NOCT: variants seen among roughly 807,000 people sequenced by gnomAD.
NOCT encodes the protein CCR4 carbon catabolite repression 4-like.
NOCT carries 18 observed loss-of-function variants against 35.0 expected under a neutral mutation model. The ratio of observed to expected loss-of-function variants is 0.51; its 90% confidence interval spans 0.36 to 0.76. NOCT has a LOEUF of 0.76. Ranked by LOEUF, NOCT falls within the 30% of genes least tolerant of loss-of-function variation. The pLI is 0.01. For missense variants in NOCT, 479 were observed against 541.0 expected (o/e 0.89, Z 1.14); for synonymous variants, 235 against 226.3 (o/e 1.04, Z -0.34).
intron 1 of NOCT, among the ~76,000 whole-genome samples, chr4:139,029,031 G>C (rs893134051): frequency 1.3e-5 from 2 of 150,772 alleles, no homozygotes; most frequent in African/African-American, 5.0e-5. Flanking sequence ...TAGAGACGTG[G>C]TTTCACCATG....
At chr4:139,037,924 G>C (rs1432593160) in intron 1 of NOCT, among the ~76,000 whole-genome samples, 3 of 151,204 alleles carry the variant, frequency 2.0e-5, no homozygotes, top group African/African-American at 2.4e-5. Flanking sequence ...AAAAAGGCTG[G>C]ATGTGGTGGC....
chr4:139,043,399 C>T (rs1230319458), intron 2 of NOCT, 56 bp downstream of exon 2: 3 of 1,538,506 alleles, frequency 1.9e-6, no homozygotes, highest in African/African-American at 2.7e-5. Context: ...TGCCTTTCTG[C>T]TTCTGCACAT....
At chr4:139,035,557 C>T (rs1385458079) in intron 1 of NOCT, among the ~76,000 whole-genome samples, 1 of 152,222 alleles carries the variant, frequency 6.6e-6, no homozygotes, top group Non-Finnish European at 1.5e-5. Flanking sequence ...CAGTTCACCC[C>T]TGCTGTCTCT....
intron 1 of NOCT, among the ~76,000 whole-genome samples, chr4:139,037,878 C>T (rs1439027418): frequency 1.3e-5 from 2 of 150,974 alleles, no homozygotes; most frequent in African/African-American, 2.4e-5. Context: ...CAGAGTGAGG[C>T]CCTTACAAAA....
At chr4:139,024,768 C>T (rs1726481989) in intron 1 of NOCT, among the ~76,000 whole-genome samples, 1 of 152,086 alleles carries the variant, frequency 6.6e-6, no homozygotes, top group African/African-American at 2.4e-5. Flanking sequence ...AGTAATACAA[C>T]AGTTACTGTA....
intron 1 of NOCT, among the ~76,000 whole-genome samples, chr4:139,031,154 C>CTT (rs111694522): frequency 2.8e-5 from 4 of 143,882 alleles, no homozygotes; most frequent in Admixed American, 2.1e-4. Context: ...TGACTGCTTT[C>CTT]TTTTTTTTTT....
chr4:139,044,495 G>A (rs1726897418), intron 2 of NOCT, 144 bp from the exon 3 acceptor site: 2 of 607,356 alleles, frequency 3.3e-6, no homozygotes, highest in South Asian at 2.0e-5. Context: ...GTTTGGATGG[G>A]GTAATACAGT....
intron 1 of NOCT, among the ~76,000 whole-genome samples, chr4:139,039,747 G>T (rs1207774397): frequency 6.6e-6 from 1 of 151,640 alleles, no homozygotes; most frequent in Non-Finnish European, 1.5e-5. Flanking sequence ...GTTTTGTTTT[G>T]AGATGGAGTA....
rs2148640912 is a variant in NOCT, at chr4:139,016,152, G to A, written c.171G>A (p.Ala57=). 2 of 1,270,946 alleles carry A rather than the reference G, an allele frequency of 1.6e-6. No homozygotes were observed. Among genetic ancestry groups the A allele is most frequent in the African/African-American group, 3.1e-5 (2 of 64,496 alleles). 78.7% of individuals were successfully genotyped at this position (1,270,946 alleles called of 1,614,324 possible). ...LAAASAASGA[A]RSCSRTVCSM... ...CGGCCTCGGCGGCCTCGGGCGCCGCGAGGTCGTGTTCCCGAACAGGTGAGT... is the reference window on the plus strand; with the variant it reads ...CGGCCTCGGCGGCCTCGGGCGCCGCAAGGTCGTGTTCCCGAACAGGTGAGT... Residue 57 remains alanine, a synonymous_variant, in exon 1 of 3, where the codon GCG becomes GCA. Coordinates refer to ENST00000280614, the MANE Select transcript of NOCT (RefSeq NM_012118.4).
intron 1 of NOCT, among the ~76,000 whole-genome samples, chr4:139,032,684 A>G (rs1726648761): frequency 6.6e-6 from 1 of 152,180 alleles, no homozygotes; most frequent in African/African-American, 2.4e-5. Context: ...ACTTTTCAGT[A>G]TCTTAATTGC....
chr4:139,025,113 C>T (rs1459441038), intron 1 of NOCT, among the ~76,000 whole-genome samples: 1 of 152,196 alleles, frequency 6.6e-6, no homozygotes, highest in African/African-American at 2.4e-5. Flanking sequence ...GCTTCTCTTT[C>T]AGGTCCATTC....
At chr4:139,025,769 A>AC (rs1201370370) in intron 1 of NOCT, among the ~76,000 whole-genome samples, 4 of 150,764 alleles carry the variant, frequency 2.7e-5, no homozygotes, top group African/African-American at 7.3e-5. Flanking sequence ...GCGCCATTGC[A>AC]CTCCAGACTA....
intron 1 of NOCT, among the ~76,000 whole-genome samples, chr4:139,030,928 T>G (rs2148644600): frequency 1.3e-5 from 2 of 152,338 alleles, no homozygotes; most frequent in East Asian, 3.9e-4. Flanking sequence ...GTTGATCAGC[T>G]TCCATAGCTT....
At chr4:139,021,105 G>A (rs922579341) in intron 1 of NOCT, among the ~76,000 whole-genome samples, 4 of 151,308 alleles carry the variant, frequency 2.6e-5, no homozygotes, top group East Asian at 1.9e-4. Context: ...TTTGAGCTTG[G>A]GGCCTAAGGC....
intron 2 of NOCT, among the ~76,000 whole-genome samples, chr4:139,044,239 C>G (rs1370749761): frequency 1.4e-5 from 2 of 141,494 alleles, no homozygotes; most frequent in African/African-American, 5.3e-5. Context: ...TCCATTCATT[C>G]TGAGTAGTGT....
intron 1 of NOCT, among the ~76,000 whole-genome samples, chr4:139,029,749 G>T (rs1726592953): frequency 1.3e-5 from 2 of 152,128 alleles, no homozygotes; most frequent in Non-Finnish European, 2.9e-5. Flanking sequence ...GGAAATTCAT[G>T]TCATATAAGC....
chr4:139,040,853 A>G (rs1726822401), intron 1 of NOCT, among the ~76,000 whole-genome samples: 1 of 152,172 alleles, frequency 6.6e-6, no homozygotes, highest in South Asian at 2.1e-4. Context: ...AGGAGACCAC[A>G]CTTGGATGTT....
At chr4:139,031,240 C>G (rs1374586244) in intron 1 of NOCT, among the ~76,000 whole-genome samples, 1 of 151,664 alleles carries the variant, frequency 6.6e-6, no homozygotes, top group East Asian at 1.9e-4. Flanking sequence ...GGCTCTGCCT[C>G]TGGGGTTCAC....
chr4:139,045,208 C>A lies in NOCT; in HGVS notation c.1030C>A (p.Leu344Met), dbSNP rs1168245221. The change falls in exon 3 of 3, where the codon CTG becomes ATG. Residue 344 changes from leucine (L) to methionine (M), a missense_variant. This residue lies in a region of NOCT where 214 missense variants were observed against 284.0 expected (regional missense o/e 0.75). Transcript: ENST00000280614. ...YKHFASSSLN[L>M]NSAYKLLSAD... ...ACACTTTGCTTCCTCCAGCCTCAAC[C>A]TGAACAGCGCCTACAAGCTGCTGAG... 7 of 1,614,090 alleles carry A rather than the reference C, an allele frequency of 4.3e-6. No homozygotes were observed. The highest frequency in any genetic ancestry group is 5.1e-6 in the Non-Finnish European group (6 of 1,180,044).
Sources: allele counts gnomAD v4.1 joint callset (sites outside exome capture counted in the v4.1 genomes callset), GRCh38; gene constraint gnomAD v4.1.1; regional missense constraint gnomAD v4.1.1; transcripts MANE v1.5; gene names NCBI Gene and HGNC (gene_info 2026-07-23, HGNC 2026-07-21).